The following LRRC4C variants were observed in gnomAD, a reference collection of about 807,000 sequenced individuals.
LRRC4C encodes leucine-rich repeat-containing protein 4C.
In LRRC4C, 5 loss-of-function variants were observed where a neutral mutation model predicts 33.6. The observed-to-expected ratio is 0.15, with a 90% confidence interval of 0.08 to 0.31. LRRC4C has a LOEUF of 0.31. Among genes scored for constraint, LRRC4C ranks in the 10% least tolerant of loss-of-function variants. The pLI is 1.00. For missense variants in LRRC4C, 560 were observed against 796.7 expected (o/e 0.70, Z 3.58); for synonymous variants, 329 against 302.0 (o/e 1.09, Z -0.93).
intron 1 of LRRC4C, among the ~76,000 whole-genome samples, chr11:41,323,830 C>A (rs1951027912): frequency 6.6e-6 from 1 of 152,042 alleles, no homozygotes; most frequent in Admixed American, 6.6e-5. Context: ...GGGTTTATAT[C>A]TTAAAGGCAA....
intron 3 of LRRC4C, among the ~76,000 whole-genome samples, chr11:40,496,059 G>A (rs978242359): frequency 6.6e-6 from 1 of 151,910 alleles, no homozygotes; most frequent in Non-Finnish European, 1.5e-5. Flanking sequence ...TCGAACTCCC[G>A]ACCTCGGGTG....
chr11:41,259,557 A>T (rs1046753340), intron 1 of LRRC4C, among the ~76,000 whole-genome samples: 1 of 152,032 alleles, frequency 6.6e-6, no homozygotes, highest in Non-Finnish European at 1.5e-5. Context: ...CAGAAAAAGA[A>T]GGCATTGTTT....
intron 2 of LRRC4C, among the ~76,000 whole-genome samples, chr11:40,721,801 C>T (rs1223159407): frequency 1.3e-5 from 2 of 151,870 alleles, no homozygotes; most frequent in African/African-American, 2.4e-5. Flanking sequence ...ATTAGCCGGG[C>T]GCGGTGGTGG....
intron 1 of LRRC4C, among the ~76,000 whole-genome samples, chr11:41,400,463 G>T (rs16935674): frequency 1.9e-4 from 29 of 151,786 alleles, no homozygotes; most frequent in African/African-American, 7.0e-4. Context: ...AATTCATTTT[G>T]GTCATCTTCC....
At chr11:40,402,007 G>A (rs1949778872) in intron 3 of LRRC4C, among the ~76,000 whole-genome samples, 1 of 152,058 alleles carries the variant, frequency 6.6e-6, no homozygotes, top group South Asian at 2.1e-4. Flanking sequence ...CAATGTTAGG[G>A]AGGTTGGAGA....
At chr11:41,002,426 T>C (rs554018461) in intron 1 of LRRC4C, among the ~76,000 whole-genome samples, 1 of 152,256 alleles carries the variant, frequency 6.6e-6, no homozygotes, top group East Asian at 1.9e-4. Flanking sequence ...CTATTAAAAT[T>C]AGAGCAAATC....
chr11:41,085,347 A>T (rs560440883), intron 1 of LRRC4C, among the ~76,000 whole-genome samples: 12 of 152,306 alleles, frequency 7.9e-5, no homozygotes, highest in Admixed American at 3.3e-4. Flanking sequence ...TCAAAAAAAA[A>T]ATATAATGAA....
intron 1 of LRRC4C, among the ~76,000 whole-genome samples, chr11:41,015,559 C>A (rs1054315998): frequency 1.3e-5 from 2 of 152,212 alleles, no homozygotes; most frequent in Non-Finnish European, 2.9e-5. Context: ...GGTGATCCAC[C>A]TGCCTAGGCC....
At chr11:41,324,020 G>A (rs1157953700) in intron 1 of LRRC4C, among the ~76,000 whole-genome samples, 5 of 152,250 alleles carry the variant, frequency 3.3e-5, no homozygotes, top group South Asian at 4.1e-4. Flanking sequence ...ACTGTGATCT[G>A]TGGACCACCT....
intron 1 of LRRC4C, among the ~76,000 whole-genome samples, chr11:41,138,642 T>C (rs1467886413): frequency 6.6e-6 from 1 of 152,228 alleles, no homozygotes; most frequent in African/African-American, 2.4e-5. Context: ...AAGAGACCTC[T>C]ATAAAATCTA....
intron 1 of LRRC4C, among the ~76,000 whole-genome samples, chr11:41,074,252 A>C (rs1170859674): frequency 6.6e-6 from 1 of 152,206 alleles, no homozygotes; most frequent in Admixed American, 6.5e-5. Context: ...TAACCTCAGG[A>C]GAATAAAGGA....
At chr11:40,651,193 C>A (rs1477659762) in intron 2 of LRRC4C, among the ~76,000 whole-genome samples, 1 of 152,126 alleles carries the variant, frequency 6.6e-6, no homozygotes, top group African/African-American at 2.4e-5. Flanking sequence ...TAAATTTTTT[C>A]TCAGACTTAG....
At chr11:41,224,437 T>C (rs1457341727) in intron 1 of LRRC4C, among the ~76,000 whole-genome samples, 1 of 152,208 alleles carries the variant, frequency 6.6e-6, no homozygotes, top group Admixed American at 6.5e-5. Context: ...TTTAGGGTGA[T>C]AATATTGGCC....
intron 1 of LRRC4C, among the ~76,000 whole-genome samples, chr11:41,018,179 T>C (rs1025928366): frequency 1.1e-4 from 16 of 152,202 alleles, no homozygotes; most frequent in Non-Finnish European, 2.1e-4. Flanking sequence ...TAGAAAAATC[T>C]TCCCTGCCCC....
chr11:40,877,532 C>T (rs180765301), intron 2 of LRRC4C, among the ~76,000 whole-genome samples: 10 of 152,220 alleles, frequency 6.6e-5, no homozygotes, highest in Admixed American at 2.6e-4. Context: ...ATCAATTCAC[C>T]GAGTTATGGT....
intron 2 of LRRC4C, among the ~76,000 whole-genome samples, chr11:40,705,775 T>G (rs1403671570): frequency 6.6e-6 from 1 of 152,082 alleles, no homozygotes; most frequent in South Asian, 2.1e-4. Context: ...TTTGATGAAT[T>G]GCCACATTGT....
chr11:41,290,168 G>T (rs1949950423), intron 1 of LRRC4C, among the ~76,000 whole-genome samples: 1 of 152,130 alleles, frequency 6.6e-6, no homozygotes, highest in Admixed American at 6.5e-5. Context: ...AAATAAGAGT[G>T]AAAGATTTCC....
chr11:40,828,501 CT>C (rs1952265367), intron 2 of LRRC4C, among the ~76,000 whole-genome samples: 1 of 151,678 alleles, frequency 6.6e-6, no homozygotes, highest in African/African-American at 2.4e-5. Flanking sequence ...TTTAGCTGTG[CT>C]TTAGTCTTTG....
chr11:40,536,230 T>C (rs1204489086), intron 3 of LRRC4C, among the ~76,000 whole-genome samples: 1 of 152,132 alleles, frequency 6.6e-6, no homozygotes, highest in Admixed American at 6.5e-5. Flanking sequence ...CGTCTCACTC[T>C]GTTGCCAGGC....
Sources: gnomAD v4.1 joint callset for allele counts (sites outside exome capture counted in the v4.1 genomes callset) on GRCh38, gnomAD v4.1.1 for gene constraint, MANE v1.5 for transcripts, NCBI Gene and HGNC (gene_info 2026-07-23, HGNC 2026-07-21) for gene names.